EYS: variants seen among roughly 807,000 people sequenced by gnomAD.
EYS encodes protein eyes shut homolog.
Under a neutral mutation model 282.1 loss-of-function variants are expected in EYS, and 250 were observed. That is an observed-to-expected ratio of 0.89 (90% CI 0.80 to 0.98). The LOEUF is 0.98. EYS is among the 50% of genes least tolerant of loss of function. EYS has a pLI of 0.00. For missense variants in EYS, 4,016 were observed against 3,709.0 expected (o/e 1.08, Z -2.15); for synonymous variants, 1,355 against 1,282.9 (o/e 1.06, Z -1.20).
intron 36 of EYS, among the ~76,000 whole-genome samples, chr6:63,836,157 A>G (rs1771799884): frequency 6.6e-6 from 1 of 152,020 alleles, no homozygotes; most frequent in Admixed American, 6.6e-5. Flanking sequence ...TGTTTTCTAA[A>G]TTTATTGCAC....
At chr6:65,537,458 A>G (rs16896783) in intron 2 of EYS, among the ~76,000 whole-genome samples, 9,774 of 152,192 alleles carry the variant, frequency 0.064, 685 homozygotes, top group African/African-American at 0.15. Context: ...TGCATAAACA[A>G]TAATTAAATA....
At chr6:63,982,189 C>T (rs1767131193) in intron 35 of EYS, among the ~76,000 whole-genome samples, 2 of 151,762 alleles carry the variant, frequency 1.3e-5, no homozygotes, top group South Asian at 4.2e-4. Context: ...AGACACTTTT[C>T]CAGGAAATGA....
intron 35 of EYS, among the ~76,000 whole-genome samples, chr6:63,937,761 G>C (rs1469557020): frequency 3.3e-5 from 5 of 152,096 alleles, no homozygotes; most frequent in African/African-American, 1.2e-4. Flanking sequence ...GAAAAAAATG[G>C]AGATCAATAC....
chr6:64,840,653 T>C (rs921168424), intron 19 of EYS, among the ~76,000 whole-genome samples: 2 of 152,080 alleles, frequency 1.3e-5, no homozygotes, highest in African/African-American at 4.8e-5. Flanking sequence ...ATCCATGGGG[T>C]ATAGAATCAT....
intron 2 of EYS, among the ~76,000 whole-genome samples, chr6:65,613,111 T>C (rs532101339): frequency 3.9e-5 from 6 of 151,964 alleles, no homozygotes; most frequent in Non-Finnish European, 8.9e-5. Context: ...ACTATTTCCA[T>C]TGCACAGATA....
chr6:64,173,730 T>A (rs1764548126), intron 31 of EYS, among the ~76,000 whole-genome samples: 2 of 152,222 alleles, frequency 1.3e-5, no homozygotes, highest in African/African-American at 4.8e-5. Flanking sequence ...TGTTGCTATA[T>A]GCTTACTTTT....
chr6:65,006,343 G>A (rs1414346245), intron 13 of EYS, among the ~76,000 whole-genome samples: 2 of 151,954 alleles, frequency 1.3e-5, no homozygotes, highest in East Asian at 1.9e-4. Flanking sequence ...TGTTGTCAGT[G>A]TAAATAAGGG....
chr6:65,172,682 A>G (rs1765133277), intron 12 of EYS, among the ~76,000 whole-genome samples: 1 of 151,410 alleles, frequency 6.6e-6, no homozygotes, highest in Non-Finnish European at 1.5e-5. Context: ...ACAGATTTGT[A>G]TTTTGTTAAC....
chr6:63,987,575 A>G (rs1767426079), intron 34 of EYS, among the ~76,000 whole-genome samples: 1 of 151,718 alleles, frequency 6.6e-6, no homozygotes, highest in South Asian at 2.1e-4. Context: ...TAATCTGGAA[A>G]TAAGACACTG....
At chr6:65,330,104 C>A (rs1465890646) in intron 11 of EYS, 10 of 980,796 alleles carry the variant, frequency 1.0e-5, no homozygotes, top group Non-Finnish European at 1.2e-5. Context: ...TACTTTAGTA[C>A]TTTAAAAATG....
intron 35 of EYS, among the ~76,000 whole-genome samples, chr6:63,887,192 G>A (rs867963723): frequency 1.8e-4 from 28 of 151,948 alleles, no homozygotes; most frequent in African/African-American, 6.5e-4. Flanking sequence ...CTTTTCTCCA[G>A]GGACATGCTA....
At chr6:64,072,787 C>T (rs1243165668) in intron 32 of EYS, among the ~76,000 whole-genome samples, 1 of 151,850 alleles carries the variant, frequency 6.6e-6, no homozygotes, top group Non-Finnish European at 1.5e-5. Context: ...TCATAAACTG[C>T]TTTATGTTAC....
At chr6:64,224,937 T>C (rs973423598) in intron 31 of EYS, among the ~76,000 whole-genome samples, 2 of 152,076 alleles carry the variant, frequency 1.3e-5, no homozygotes, top group Non-Finnish European at 2.9e-5. Context: ...AAATGGCCCC[T>C]CTTGTTCCTC....
In EYS at chr6:65,648,911, G is replaced by A. The variant is rs1288958246; in HGVS notation, c.-447-9019C>T. ...TGTAATCCCAGCACTTTGGGAGGCT[G>A]AGGAGAAGGTAGATCACGGGGTCAG... On this transcript the variant is annotated intron_variant, in intron 1 of 42. Coordinates refer to ENST00000503581, the MANE Select transcript of EYS (RefSeq NM_001142800.2). Among the ~76,000 whole-genome samples the A allele has an allele frequency of 2.0e-5, 3 of 151,796 alleles. No homozygotes were observed. In the South Asian group the frequency reaches 6.2e-4, roughly 32 times the overall value.
intron 14 of EYS, among the ~76,000 whole-genome samples, chr6:64,956,544 A>C (rs6455018): frequency 0.48 from 73,471 of 151,930 alleles, 18,510 homozygotes; most frequent in African/African-American, 0.64. Context: ...TTGAGCAATA[A>C]CCACAAGCAC....
intron 41 of EYS, among the ~76,000 whole-genome samples, chr6:63,735,640 A>T (rs960282011): frequency 1.3e-5 from 2 of 152,086 alleles, no homozygotes; most frequent in African/African-American, 4.8e-5. Flanking sequence ...TATAATTAGC[A>T]CTCAAACCTC....
chr6:65,071,152 A>G (rs1224905179), intron 12 of EYS, among the ~76,000 whole-genome samples: 1 of 151,854 alleles, frequency 6.6e-6, no homozygotes, highest in Non-Finnish European at 1.5e-5. Context: ...AAAATGGATT[A>G]TGGCTAAATG....
intron 22 of EYS, among the ~76,000 whole-genome samples, chr6:64,745,193 A>C (rs1016860518): frequency 2.0e-5 from 3 of 152,100 alleles, no homozygotes; most frequent in Admixed American, 1.3e-4. Flanking sequence ...TTCTGAAAAA[A>C]CTCTCTAAGC....
rs113935243 is a variant in EYS, at chr6:65,410,105, A to G, written c.863-4738T>C. ...TAGTGGTACTTAATTAGACATAAAT[A>G]TTATTTGAAATTATAGTAAAACATT... On this transcript the variant is annotated intron_variant, in intron 5 of 42. Transcript: ENST00000503581. Among the ~76,000 whole-genome samples the G allele has an allele frequency of 4.4e-3, 663 of 152,208 alleles. 9 individuals carry two copies. The highest frequency in any genetic ancestry group is 0.015 in the African/African-American group (633 of 41,564).
Sources: allele counts gnomAD v4.1 joint callset (sites outside exome capture counted in the v4.1 genomes callset), GRCh38; gene constraint gnomAD v4.1.1; transcripts MANE v1.5; gene names NCBI Gene and HGNC (gene_info 2026-07-23, HGNC 2026-07-21).